MIPEP: variants seen among roughly 807,000 people sequenced by gnomAD.
The protein encoded by MIPEP is mitochondrial intermediate peptidase.
In MIPEP, 79 loss-of-function variants were observed where a neutral mutation model predicts 90.3. That is an observed-to-expected ratio of 0.87 (90% CI 0.73 to 1.05). MIPEP has a LOEUF of 1.05. MIPEP is among the 50% of genes least tolerant of loss of function. MIPEP has a pLI of 0.00. For missense variants in MIPEP, 940 were observed against 905.6 expected (o/e 1.04, Z -0.49); for synonymous variants, 334 against 315.8 (o/e 1.06, Z -0.61).
chr13:23,785,465 G>A (rs1253263361), intron 16 of MIPEP, among the ~76,000 whole-genome samples: 1 of 147,788 alleles, frequency 6.8e-6, no homozygotes, highest in Admixed American at 6.8e-5. Flanking sequence ...TCATACACCG[G>A]GGCCTGTCTT....
chr13:23,852,007 T>C (rs1184766052), intron 10 of MIPEP, among the ~76,000 whole-genome samples: 1 of 152,210 alleles, frequency 6.6e-6, no homozygotes, highest in Non-Finnish European at 1.5e-5. Context: ...AGTGAAATGA[T>C]GCCACAAGGA....
chr13:23,818,220 C>T (rs1444106730), intron 14 of MIPEP, among the ~76,000 whole-genome samples: 1 of 151,682 alleles, frequency 6.6e-6, no homozygotes, highest in Admixed American at 6.6e-5. Flanking sequence ...GGTTCGAGGC[C>T]AGTCTGGCCA....
chr13:23,751,907 T>C (rs188535544), intron 18 of MIPEP, among the ~76,000 whole-genome samples: 271 of 148,996 alleles, frequency 1.8e-3, no homozygotes, highest in Non-Finnish European at 3.2e-3. Context: ...TCAATGAGAA[T>C]AGATAGGTTG....
chr13:23,870,210 A>T lies in MIPEP; in HGVS notation c.604-15T>A. On this transcript the variant is annotated splice_polypyrimidine_tract_variant and intron_variant, in intron 5 of 18. Coordinates refer to ENST00000382172, the MANE Select transcript of MIPEP (RefSeq NM_005932.4). ...GCTCTTTTACGCTGTATGCAGGAGG[A>T]GTAAAAGTTATTTAAAGGCGTTTTG... The T allele has an allele frequency of 6.8e-7, 1 of 1,479,292 alleles. No individual in the cohort carries two copies. The highest frequency in any genetic ancestry group is 9.0e-7 in the Non-Finnish European group (1 of 1,110,000). 91.6% of individuals were successfully genotyped at this position (1,479,292 alleles called of 1,614,324 possible). A position where few individuals can be genotyped will look rare whatever the true frequency, so the allele number is the denominator to read the frequency against.
chr13:23,778,563 C>T, intron 16 of MIPEP, among the ~76,000 whole-genome samples: 1 of 152,174 alleles, frequency 6.6e-6, no homozygotes, highest in Non-Finnish European at 1.5e-5. Flanking sequence ...GCTGAACACA[C>T]AGATTCCCAT....
At chr13:23,776,253 T>A (rs962460571) in intron 16 of MIPEP, among the ~76,000 whole-genome samples, 3 of 152,130 alleles carry the variant, frequency 2.0e-5, no homozygotes, top group African/African-American at 4.8e-5. Flanking sequence ...CAGGACTTGA[T>A]CCCAGTCTGA....
At chr13:23,831,383 C>CGGGGGGGGGGGGGGGGGG (rs1555237542) in intron 14 of MIPEP, among the ~76,000 whole-genome samples, 6 of 40,912 alleles carry the variant, frequency 1.5e-4, no homozygotes, top group African/African-American at 2.5e-4. Context: ...TTCCCCATGG[C>CGGGGGGGGGGGGGGGGGG]GGGGGGGGGA....
At chr13:23,875,056 A>ACC (rs1364076545) in intron 4 of MIPEP, 147 bp from the exon 5 acceptor site, 2 of 537,646 alleles carry the variant, frequency 3.7e-6, no homozygotes, top group African/African-American at 4.0e-5. Flanking sequence ...ACACACACAC[A>ACC]CACACACTTT....
intron 18 of MIPEP, among the ~76,000 whole-genome samples, chr13:23,734,302 C>T (rs553564430): frequency 1.1e-4 from 16 of 152,278 alleles, no homozygotes; most frequent in Non-Finnish European, 1.0e-4. Context: ...CTCTCTGCTC[C>T]TTAAAACCAC....
At chr13:23,745,184 C>T (rs1952369574) in intron 18 of MIPEP, among the ~76,000 whole-genome samples, 1 of 152,036 alleles carries the variant, frequency 6.6e-6, no homozygotes, top group African/African-American at 2.4e-5. Flanking sequence ...TACAATTAAC[C>T]AGGGACTATT....
chr13:23,845,866 T>C (rs1327045585), intron 10 of MIPEP, among the ~76,000 whole-genome samples: 1 of 152,118 alleles, frequency 6.6e-6, no homozygotes, highest in East Asian at 1.9e-4. Flanking sequence ...TTTGATATAT[T>C]AGTGATATTT....
intron 16 of MIPEP, among the ~76,000 whole-genome samples, chr13:23,784,632 A>G (rs1010187531): frequency 2.0e-4 from 30 of 152,230 alleles, no homozygotes; most frequent in Non-Finnish European, 8.8e-5. Flanking sequence ...GCCAAAATTG[A>G]CAAATGGGAT....
At chr13:23,824,369 T>A (rs914001483) in intron 14 of MIPEP, among the ~76,000 whole-genome samples, 2 of 152,206 alleles carry the variant, frequency 1.3e-5, no homozygotes, top group Non-Finnish European at 2.9e-5. Context: ...GCATATATAT[T>A]AACAGGTAAG....
At chr13:23,773,367 T>C (rs185985789) in intron 16 of MIPEP, among the ~76,000 whole-genome samples, 10 of 152,346 alleles carry the variant, frequency 6.6e-5, no homozygotes, top group African/African-American at 1.9e-4. Context: ...CAGTCATCTA[T>C]TGAGTGGTTT....
chr13:23,876,561 C>G (rs1332238059), intron 4 of MIPEP, among the ~76,000 whole-genome samples: 3 of 151,772 alleles, frequency 2.0e-5, no homozygotes, highest in Non-Finnish European at 4.4e-5. Flanking sequence ...GTTTCACAAA[C>G]AGAATCTTTT....
chr13:23,866,697 G>A (rs956730368), intron 7 of MIPEP, among the ~76,000 whole-genome samples: 1 of 152,168 alleles, frequency 6.6e-6, no homozygotes, highest in Admixed American at 6.5e-5. Flanking sequence ...GCCCCAGAGC[G>A]CAGTCCTTGG....
At chr13:23,741,321 A>G (rs969928962) in intron 18 of MIPEP, among the ~76,000 whole-genome samples, 23 of 152,044 alleles carry the variant, frequency 1.5e-4, no homozygotes, top group African/African-American at 5.6e-4. Context: ...ATTACTGGTT[A>G]ATATACACAA....
intron 18 of MIPEP, among the ~76,000 whole-genome samples, chr13:23,732,433 C>T (rs759124227): frequency 6.6e-6 from 1 of 152,146 alleles, no homozygotes; most frequent in Non-Finnish European, 1.5e-5. Flanking sequence ...CAATTTCACT[C>T]CCAGGTATTT....
chr13:23,799,023 TGACAG>T (rs1953000925), intron 16 of MIPEP, among the ~76,000 whole-genome samples: 1 of 128,690 alleles, frequency 7.8e-6, no homozygotes. Context: ...TTTTTTTTTT[TGACAG>T]AGTCTTGCTC....
Sources: gnomAD v4.1 joint callset for allele counts (sites outside exome capture counted in the v4.1 genomes callset) on GRCh38, gnomAD v4.1.1 for gene constraint, MANE v1.5 for transcripts, NCBI Gene and HGNC (gene_info 2026-07-23, HGNC 2026-07-21) for gene names.